Variants in DPYD observed in about 807,000 individuals in gnomAD.
DPYD encodes dihydropyrimidine dehydrogenase [NADP(+)].
In DPYD, 109 loss-of-function variants were observed where a neutral mutation model predicts 116.2. The ratio of observed to expected loss-of-function variants is 0.94; its 90% CI spans 0.80 to 1.10. The LOEUF is 1.10. DPYD is among the 50% of genes least tolerant of loss of function. DPYD has a pLI of 0.00. For synonymous variants in DPYD, 440 were observed against 432.0 expected (o/e 1.02, Z -0.23); for missense variants, 1,302 against 1,254.5 (o/e 1.04, Z -0.57).
chr1:97,823,833 C>T (rs1669090477), intron 3 of DPYD, among the ~76,000 whole-genome samples: 3 of 140,970 alleles, frequency 2.1e-5, no homozygotes, highest in African/African-American at 5.2e-5. Flanking sequence ...ATGAAATTTC[C>T]TTTGGGCCAT....
chr1:97,423,776 T>C (rs2101706450), intron 14 of DPYD, among the ~76,000 whole-genome samples: 1 of 152,250 alleles, frequency 6.6e-6, no homozygotes, highest in South Asian at 2.1e-4. Flanking sequence ...CACTTCAGGT[T>C]CCAGCTTAAT....
intron 18 of DPYD, 56 bp downstream of exon 18, chr1:97,305,200 CCTT>C: frequency 6.2e-7 from 1 of 1,610,012 alleles, no homozygotes; most frequent in Non-Finnish European, 8.5e-7. Flanking sequence ...TGCAACATGA[CCTT>C]CTGATTTTTC....
At chr1:97,513,649 T>G (rs1335310458) in intron 13 of DPYD, among the ~76,000 whole-genome samples, 1 of 151,804 alleles carries the variant, frequency 6.6e-6, no homozygotes, top group Non-Finnish European at 1.5e-5. Flanking sequence ...GTCACCGAAA[T>G]GTATAGTACA....
chr1:97,644,852 C>T (rs561493882), intron 8 of DPYD, among the ~76,000 whole-genome samples: 1 of 152,060 alleles, frequency 6.6e-6, no homozygotes, highest in South Asian at 2.1e-4. Context: ...AAAATATACA[C>T]CATGAAAAGT....
intron 20 of DPYD, among the ~76,000 whole-genome samples, chr1:97,180,352 A>T (rs1570615552): frequency 6.6e-6 from 1 of 152,292 alleles, no homozygotes; most frequent in African/African-American, 2.4e-5. Flanking sequence ...AACGGGAGAT[A>T]TAACAAATAC....
intron 13 of DPYD, among the ~76,000 whole-genome samples, chr1:97,465,268 G>A (rs1677251799): frequency 6.6e-6 from 1 of 152,190 alleles, no homozygotes; most frequent in African/African-American, 2.4e-5. Flanking sequence ...CAGCCTCATA[G>A]GTGGAAGTAA....
chr1:97,538,305 G>A (rs1286660203), intron 12 of DPYD, among the ~76,000 whole-genome samples: 1 of 152,130 alleles, frequency 6.6e-6, no homozygotes, highest in Admixed American at 6.5e-5. Context: ...TCTACTGCAG[G>A]TCTATGGCAT....
At chr1:97,106,019 T>C (rs1437285838) in intron 20 of DPYD, among the ~76,000 whole-genome samples, 1 of 151,940 alleles carries the variant, frequency 6.6e-6, no homozygotes, top group African/African-American at 2.4e-5. Flanking sequence ...CTGGGCAAAG[T>C]GTTTGGATTT....
intron 20 of DPYD, among the ~76,000 whole-genome samples, chr1:97,153,380 C>G (rs892187716): frequency 1.3e-5 from 2 of 151,952 alleles, no homozygotes; most frequent in African/African-American, 2.4e-5. Flanking sequence ...GAGAACATGG[C>G]GAGGACAGTA....
chr1:97,494,726 A>G (rs1283945138), intron 13 of DPYD, among the ~76,000 whole-genome samples: 2 of 150,918 alleles, frequency 1.3e-5, no homozygotes, highest in East Asian at 3.9e-4. Flanking sequence ...TGGATGACAG[A>G]GTGAAAGTTT....
chr1:97,682,825 C>T (rs919998050), intron 7 of DPYD, among the ~76,000 whole-genome samples: 16 of 152,136 alleles, frequency 1.1e-4, no homozygotes, highest in African/African-American at 3.9e-4. Context: ...ACTTTAGTAA[C>T]ATATTATTAG....
intron 11 of DPYD, among the ~76,000 whole-genome samples, chr1:97,567,844 C>T (rs771347597): frequency 5.3e-5 from 8 of 149,582 alleles, no homozygotes; most frequent in Non-Finnish European, 1.2e-4. Context: ...TTTTACATAC[C>T]TCATTTGCAG....
chr1:97,526,360 T>A (rs768862504), intron 12 of DPYD, among the ~76,000 whole-genome samples: 1 of 152,268 alleles, frequency 6.6e-6, no homozygotes, highest in Middle Eastern at 3.4e-3. Flanking sequence ...TTATCCAGAA[T>A]GATTAATATT....
intron 3 of DPYD, among the ~76,000 whole-genome samples, chr1:97,778,573 T>A (rs1666556088): frequency 6.6e-6 from 1 of 152,152 alleles, no homozygotes; most frequent in Admixed American, 6.6e-5. Flanking sequence ...AAGTCAAAGT[T>A]ATAACTATTA....
intron 4 of DPYD, among the ~76,000 whole-genome samples, chr1:97,734,673 T>C (rs955891908): frequency 2.0e-5 from 3 of 152,200 alleles, no homozygotes; most frequent in African/African-American, 7.2e-5. Flanking sequence ...AAATAGCTTT[T>C]AAGTCATGAA....
rs1297153636 is a variant in DPYD at position 97,730,407 on chromosome 1, A to G, written c.322-8736T>C. On this transcript the variant is annotated intron_variant, in intron 4 of 22. Coordinates refer to ENST00000370192, the MANE Select transcript of DPYD (RefSeq NM_000110.4). The stretch of plus-strand genomic sequence containing the variant: ...CGGCTAATTTTTGCATTTTTTTAGT[A>G]GAGACAGGATTTTTCCATGTTGGCC... Among the ~76,000 whole-genome samples, 7 of 152,106 alleles carry G rather than the reference A, an allele frequency of 4.6e-5. No homozygotes were observed. The East Asian group carries it at 1.4e-3, about 29-fold the overall frequency.
chr1:97,686,870 G>C (rs1352334968), intron 7 of DPYD, among the ~76,000 whole-genome samples: 1 of 151,970 alleles, frequency 6.6e-6, no homozygotes, highest in Non-Finnish European at 1.5e-5. Context: ...GCAACCTACA[G>C]AATGGGAGAA....
At chr1:97,134,024 T>A (rs1476172738) in intron 20 of DPYD, among the ~76,000 whole-genome samples, 4,491 of 11,318 alleles carry the variant, frequency 0.4, 629 homozygotes, top group East Asian at 0.55. Flanking sequence ...AATATATATA[T>A]ATATATATAT....
At chr1:97,080,507 C>T (rs1452442435) in intron 22 of DPYD, among the ~76,000 whole-genome samples, 3 of 151,952 alleles carry the variant, frequency 2.0e-5, no homozygotes, top group Non-Finnish European at 4.4e-5. Context: ...TTTAAAAAGT[C>T]TGATCTGTAA....
Sources: allele counts gnomAD v4.1 joint callset (sites outside exome capture counted in the v4.1 genomes callset), GRCh38; gene constraint gnomAD v4.1.1; transcripts MANE v1.5; gene names NCBI Gene and HGNC (gene_info 2026-07-23, HGNC 2026-07-21).